DIAPH1: variants seen among roughly 807,000 people sequenced by gnomAD.
DIAPH1 encodes protein diaphanous homolog 1.
In DIAPH1, 46 loss-of-function variants were observed where a neutral mutation model predicts 140.7. The observed-to-expected ratio is 0.33, with a 90% CI of 0.26 to 0.42. The LOEUF is 0.42. DIAPH1 is among the 10% of genes least tolerant of loss of function. DIAPH1 has a pLI of 1.00. For missense variants in DIAPH1, 1,310 were observed against 1,558.7 expected (o/e 0.84, Z 2.69); for synonymous variants, 565 against 551.6 (o/e 1.02, Z -0.34).
At chr5:141,607,525 C>A (rs2099901166) in intron 1 of DIAPH1, among the ~76,000 whole-genome samples, 1 of 152,220 alleles carries the variant, frequency 6.6e-6, no homozygotes, top group Non-Finnish European at 1.5e-5. Context: ...CACCACTTAT[C>A]ACATGGCCAA....
intron 1 of DIAPH1, among the ~76,000 whole-genome samples, chr5:141,589,990 ATC>A (rs1167713235): frequency 6.6e-6 from 1 of 151,512 alleles, no homozygotes; most frequent in Non-Finnish European, 1.5e-5. Context: ...GGCTCAAGTG[ATC>A]TGCCCGCCTC....
intron 3 of DIAPH1, among the ~76,000 whole-genome samples, chr5:141,586,180 A>C (rs1265669706): frequency 6.6e-6 from 1 of 152,198 alleles, no homozygotes; most frequent in East Asian, 1.9e-4. Context: ...AGAGACATTT[A>C]AACTTGCAAT....
Position 141,524,192 on chromosome 5 carries a change from T to C in DIAPH1, c.3612A>G (p.Glu1204=). ...DETGVMDSLL[E]ALQSGAAFRR... is the part of the protein sequence containing the mutation. ...GGAATGCTGCCCCTGACTGCAGGGCTTCTAGAAGACTGTCCATCACACCTG... is the reference window on the plus strand; with the variant it reads ...GGAATGCTGCCCCTGACTGCAGGGCCTCTAGAAGACTGTCCATCACACCTG... Residue 1204 remains glutamate (E), a synonymous_variant, in exon 27 of 28, where the codon GAA becomes GAG. Coordinates refer to ENST00000389054, the MANE Select transcript of DIAPH1 (RefSeq NM_005219.5). 1 of 1,614,180 alleles carries C rather than the reference T, an allele frequency of 6.2e-7. No individual in the cohort carries two copies. The highest frequency in any genetic ancestry group is 8.5e-7 in the Non-Finnish European group (1 of 1,180,034).
chr5:141,539,424 T>G (rs2099889600), intron 18 of DIAPH1, among the ~76,000 whole-genome samples: 1 of 127,368 alleles, frequency 7.9e-6, no homozygotes, highest in Non-Finnish European at 1.6e-5. Context: ...TTTTGTTTTT[T>G]TTTTTGTTTT....
chr5:141,582,148 T>A (rs1418885470), intron 7 of DIAPH1, 164 bp downstream of exon 7: 4 of 405,000 alleles, frequency 9.9e-6, no homozygotes, highest in African/African-American at 6.8e-5. Context: ...GAAAAAAATA[T>A]CCACAGAAGC....
chr5:141,559,689 C>T (rs2099893215), intron 18 of DIAPH1, among the ~76,000 whole-genome samples: 1 of 152,014 alleles, frequency 6.6e-6, no homozygotes, highest in African/African-American at 2.4e-5. Context: ...TTAGGGAGTG[C>T]TAAAAAGAGG....
At chr5:141,616,151 G>A (rs1360369435) in intron 1 of DIAPH1, among the ~76,000 whole-genome samples, 1 of 152,208 alleles carries the variant, frequency 6.6e-6, no homozygotes, top group African/African-American at 2.4e-5. Flanking sequence ...TAACAATCAT[G>A]TGTTTTTAAA....
At chr5:141,533,358 TA>T (rs2099888537) in intron 19 of DIAPH1, among the ~76,000 whole-genome samples, 1 of 152,230 alleles carries the variant, frequency 6.6e-6, no homozygotes, top group Non-Finnish European at 1.5e-5. Flanking sequence ...AAGTACTACC[TA>T]TATCAACTTT....
chr5:141,539,887 T>C (rs1172063503), intron 18 of DIAPH1, among the ~76,000 whole-genome samples: 2 of 151,532 alleles, frequency 1.3e-5, no homozygotes. Context: ...GTTTCACTGA[T>C]TGTCTCTATT....
chr5:141,540,529 C>T (rs112831349), intron 18 of DIAPH1, among the ~76,000 whole-genome samples: 1,659 of 151,386 alleles, frequency 0.011, 41 homozygotes, highest in African/African-American at 0.038. Flanking sequence ...ATCCACCTGC[C>T]TCAGCCTCCC....
chr5:141,603,875 A>G (rs1309851967), intron 1 of DIAPH1, among the ~76,000 whole-genome samples: 2 of 152,206 alleles, frequency 1.3e-5, no homozygotes, highest in Non-Finnish European at 2.9e-5. Flanking sequence ...CCTACAGCTC[A>G]GCTCATCCTA....
In DIAPH1 at chr5:141,526,467, G is replaced by A; in HGVS notation, c.3274-6C>T. On this transcript the variant is annotated splice_region_variant and splice_polypyrimidine_tract_variant and intron_variant, in intron 24 of 27. Coordinates refer to ENST00000389054, the MANE Select transcript of DIAPH1 (RefSeq NM_005219.5). Reference sequence around the variant, plus strand: ...TGTGCATCCTTCACAAAGCTGTGCAGCCAAGGAGTAAAGGACCAAGACCAA... The same window carrying A: ...TGTGCATCCTTCACAAAGCTGTGCAACCAAGGAGTAAAGGACCAAGACCAA... 1 of 1,614,110 alleles carries A rather than the reference G, an allele frequency of 6.2e-7. No homozygotes were observed. Among genetic ancestry groups the A allele is most frequent in the East Asian group, 2.2e-5 (1 of 44,870 alleles).
In DIAPH1 at chr5:141,565,718, T is replaced by C. The variant is rs2099894268; in HGVS notation, c.2482+5710A>G. Among the ~76,000 whole-genome samples, 1 of 152,176 alleles carries C rather than the reference T, an allele frequency of 6.6e-6. No individual in the cohort carries two copies. The highest frequency in any genetic ancestry group is 1.5e-5 in the Non-Finnish European group (1 of 68,036). On this transcript the variant is annotated intron_variant, in intron 18 of 27. Coordinates refer to ENST00000389054, the MANE Select transcript of DIAPH1 (RefSeq NM_005219.5). The surrounding 1 kb of genome is among the most constrained non-coding windows in gnomAD (Gnocchi z 4.3). ...AAATAACCTTTAGGAGAGCAGGAAA[T>C]TCAATGAATTTGTAATGCTTCAAAT...
chr5:141,587,268 T>C (rs755243697), intron 2 of DIAPH1, 71 bp from the exon 3 acceptor site: 117 of 1,528,476 alleles, frequency 7.7e-5, no homozygotes, highest in Non-Finnish European at 1.0e-4. Flanking sequence ...TCAAATTCTT[T>C]ACCCCTTTAA....
In DIAPH1 at chr5:141,580,798, A is replaced by G. The variant is rs1160650964; in HGVS notation, c.770T>C (p.Ile257Thr). ...AGCAGAAAGCAGCTTAGCTGCATCA[A>G]TCATCATGTTGGGAACAGCAGGATC... ...AMDPAVPNMMIDAAKLLSALC... is the reference protein window; with the variant it reads ...AMDPAVPNMMTDAAKLLSALC... The change falls in exon 8 of 28, where the codon ATT becomes ACT. Residue 257 changes from isoleucine (I) to threonine (T), a missense_variant. Ile to Thr is a moderately conservative substitution (Grantham distance 89). Around this residue, in one of 3 missense-constraint regions of DIAPH1, gnomAD observed 377 missense variants for 497.1 expected, o/e 0.76. Transcript: ENST00000389054. 2.5e-6 allele frequency: 4 copies of G among 1,614,206 alleles called. No individual in the cohort carries two copies. The highest frequency in any genetic ancestry group is 1.7e-6 in the Non-Finnish European group (2 of 1,180,010).
intron 27 of DIAPH1, 27 bp downstream of exon 27, chr5:141,524,116 C>G: frequency 1.2e-6 from 2 of 1,608,346 alleles, no homozygotes; most frequent in Non-Finnish European, 1.7e-6. Context: ...CTTCGACACC[C>G]AGGATGAGCT....
intron 27 of DIAPH1, among the ~76,000 whole-genome samples, chr5:141,522,732 G>A (rs2099886755): frequency 1.3e-5 from 2 of 152,178 alleles, no homozygotes; most frequent in Admixed American, 1.3e-4. Flanking sequence ...ACCTCTAGCT[G>A]TACTCTCCTT....
At chr5:141,587,327 T>G in intron 2 of DIAPH1, 130 bp from the exon 3 acceptor site, 2 of 883,856 alleles carry the variant, frequency 2.3e-6, no homozygotes, top group Non-Finnish European at 3.6e-6. Flanking sequence ...TTCAAGACTC[T>G]TCTGACATGA....
rs1474460773 is a variant in DIAPH1 at position 141,587,072 on chromosome 5, T to C, written c.270A>G (p.Glu90=). 7 of 1,614,172 alleles carry C rather than the reference T, an allele frequency of 4.3e-6. No individual in the cohort carries two copies. The highest frequency in any genetic ancestry group is 5.9e-6 in the Non-Finnish European group (7 of 1,180,014). Residue 90 remains glutamate, a synonymous_variant, in exon 3 of 28, where the codon GAA becomes GAG. Coordinates refer to ENST00000389054, the MANE Select transcript of DIAPH1 (RefSeq NM_005219.5). ...TAQSLQDVSD[E]QVLVLFEQML... ...TCTGTTCAAAGAGAACCAGCACTTG[T>C]TCATCTGAAACATCTTGCAATGACT... is the stretch of plus-strand genomic sequence containing the variant.
Sources: allele counts gnomAD v4.1 joint callset (sites outside exome capture counted in the v4.1 genomes callset), GRCh38; gene constraint gnomAD v4.1.1; regional missense constraint gnomAD v4.1.1; non-coding constraint Gnocchi (gnomAD v3.1); transcripts MANE v1.5; gene names NCBI Gene and HGNC (gene_info 2026-07-23, HGNC 2026-07-21).